Variants in CCDC85C observed in about 807,000 individuals in gnomAD.
CCDC85C encodes the protein coiled-coil domain containing 85C.
In CCDC85C, 18 loss-of-function variants were observed where a neutral mutation model predicts 38.3. The ratio of observed to expected loss-of-function variants is 0.47; its 90% confidence interval spans 0.33 to 0.70. CCDC85C has a LOEUF of 0.70. Among genes scored for constraint, CCDC85C ranks in the 30% least tolerant of loss-of-function variants. The probability of loss-of-function intolerance (pLI) is 0.03; values close to 1 mark genes in which losing one functional copy is unlikely to be tolerated. For missense variants in CCDC85C, 566 were observed against 621.2 expected (o/e 0.91, Z 0.94); for synonymous variants, 264 against 293.8 (o/e 0.90, Z 1.04).
chr14:99,602,282 G>T (rs1272842842), intron 1 of CCDC85C, among the ~76,000 whole-genome samples: 8 of 152,236 alleles, frequency 5.3e-5, no homozygotes, highest in Non-Finnish European at 1.0e-4. Context: ...CCAAGCTGGG[G>T]CCACCCTCTG....
At chr14:99,521,566 C>T (rs1013664765) in intron 3 of CCDC85C, among the ~76,000 whole-genome samples, 1 of 152,186 alleles carries the variant, frequency 6.6e-6, no homozygotes, top group Admixed American at 6.5e-5. Flanking sequence ...CTCCTGGAGG[C>T]GTGAAGTCCC....
intron 1 of CCDC85C, among the ~76,000 whole-genome samples, chr14:99,581,190 AC>A: frequency 6.6e-6 from 1 of 152,238 alleles, no homozygotes; most frequent in South Asian, 2.1e-4. Context: ...GCCCAGTGCC[AC>A]CCTACCCTGG....
At chr14:99,584,625 A>G (rs1437518457) in intron 1 of CCDC85C, among the ~76,000 whole-genome samples, 1 of 152,194 alleles carries the variant, frequency 6.6e-6, no homozygotes, top group East Asian at 1.9e-4. Context: ...GGAAGGCAGA[A>G]CTCAGGCAGG....
chr14:99,557,298 G>T (rs1898031042), intron 1 of CCDC85C, among the ~76,000 whole-genome samples: 1 of 152,186 alleles, frequency 6.6e-6, no homozygotes, highest in South Asian at 2.1e-4. Flanking sequence ...AGGGCACGTG[G>T]TCTCAGAGAT....
intron 2 of CCDC85C, among the ~76,000 whole-genome samples, chr14:99,527,018 G>C (rs937941739): frequency 6.6e-6 from 1 of 152,156 alleles, no homozygotes; most frequent in African/African-American, 2.4e-5. Context: ...AGAGAAAGCA[G>C]GGAGGATGCA....
intron 1 of CCDC85C, among the ~76,000 whole-genome samples, chr14:99,552,893 C>G (rs1250713254): frequency 6.6e-6 from 1 of 152,214 alleles, no homozygotes; most frequent in Non-Finnish European, 1.5e-5. Context: ...CGTGACATCA[C>G]TGGGTGACCC....
rs928288504 is a variant in CCDC85C at position 99,503,587 on chromosome 14, A to G, written c.*11659T>C. 4 of 1,550,902 alleles carry G rather than the reference A, an allele frequency of 2.6e-6. No homozygotes were observed. The highest frequency in any genetic ancestry group is 2.7e-5 in the African/African-American group (2 of 73,462). ...ATCATACTCAGGATCCCAGTTAACA[A>G]TTGTGTATTTTCTTTTGTAACAGGT... On this transcript the variant is annotated 3_prime_UTR_variant, in exon 6 of 6. Coordinates refer to ENST00000380243, the MANE Select transcript of CCDC85C (RefSeq NM_001144995.2).
At chr14:99,566,428 C>A (rs975613257) in intron 1 of CCDC85C, among the ~76,000 whole-genome samples, 1 of 152,206 alleles carries the variant, frequency 6.6e-6, no homozygotes, top group African/African-American at 2.4e-5. Context: ...CCAGGGCTGA[C>A]TGGCTCACAG....
intron 1 of CCDC85C, among the ~76,000 whole-genome samples, chr14:99,586,299 G>C (rs1424423769): frequency 6.6e-6 from 1 of 152,236 alleles, no homozygotes. Context: ...TGGGGACGTG[G>C]CCATCAGCAG....
chr14:99,592,371 A>G (rs971419728), intron 1 of CCDC85C, among the ~76,000 whole-genome samples: 7 of 152,216 alleles, frequency 4.6e-5, no homozygotes, highest in African/African-American at 1.2e-4. Flanking sequence ...GGTGAATAGC[A>G]TAGTCACCAG....
chr14:99,589,273 G>A (rs559206916), intron 1 of CCDC85C, among the ~76,000 whole-genome samples: 9 of 152,170 alleles, frequency 5.9e-5, no homozygotes, highest in Admixed American at 2.6e-4. Flanking sequence ...GCCCAGATCC[G>A]CCAGACAACA....
intron 5 of CCDC85C, among the ~76,000 whole-genome samples, chr14:99,515,733 A>G (rs7151184): frequency 0.94 from 143,689 of 152,070 alleles, 68,451 homozygotes; most frequent in East Asian, 1. Context: ...AGCTGGGTCG[A>G]GCACGGAGCT....
chr14:99,500,639 G>A lies in CCDC85C; in HGVS notation c.*14607C>T, dbSNP rs192024806. ...GTTAAAAGTCTGAGTGGGAGAGAAAGGAAGGAAAGGCAGTTGCTAAAATAT... is the reference window on the plus strand; with the variant it reads ...GTTAAAAGTCTGAGTGGGAGAGAAAAGAAGGAAAGGCAGTTGCTAAAATAT... On this transcript the variant is annotated 3_prime_UTR_variant, in exon 6 of 6. Transcript: ENST00000380243. 120 of 680,374 alleles carry A rather than the reference G, an allele frequency of 1.8e-4. No individual in the cohort carries two copies. Among genetic ancestry groups the A allele is most frequent in the Admixed American group, 4.0e-4 (16 of 40,054 alleles). The allele number at this position is 680,374 out of a possible 1,614,324, so 42.1% of individuals were successfully genotyped here. A position where few individuals can be genotyped will look rare whatever the true frequency, so the allele number is the denominator to read the frequency against.
chr14:99,521,572 G>A (rs1395161496), intron 3 of CCDC85C, among the ~76,000 whole-genome samples: 1 of 152,192 alleles, frequency 6.6e-6, no homozygotes, highest in African/African-American at 2.4e-5. Context: ...GAGGCGTGAA[G>A]TCCCACAAGG....
At chr14:99,529,306 G>A (rs1254807617) in intron 2 of CCDC85C, among the ~76,000 whole-genome samples, 1 of 152,162 alleles carries the variant, frequency 6.6e-6, no homozygotes, top group East Asian at 1.9e-4. Flanking sequence ...CCCATTACTT[G>A]TTCCAGTGAG....
rs2055245364 is a variant in CCDC85C at position 99,604,050 on chromosome 14, G to C, written c.-91C>G. On this transcript the variant is annotated 5_prime_UTR_variant, in exon 1 of 6. Coordinates refer to ENST00000380243, the MANE Select transcript of CCDC85C (RefSeq NM_001144995.2). The stretch of plus-strand genomic sequence containing the variant: ...CCGCTGGGCCGGTCCGCGCGCGGGC[G>C]GGGGGCGGCCGGGGGCGCGTGCGGC... 17 of 978,998 alleles carry C rather than the reference G, an allele frequency of 1.7e-5. No individual in the cohort carries two copies. Among genetic ancestry groups the C allele is most frequent in the African/African-American group, 1.8e-5 (1 of 56,410 alleles). The allele number at this position is 978,998 out of a possible 1,614,324, so 60.6% of individuals were successfully genotyped here. A position where few individuals can be genotyped will look rare whatever the true frequency, so the allele number is the denominator to read the frequency against.
In CCDC85C at chr14:99,603,723, G is replaced by C; in HGVS notation, c.237C>G (p.Asp79Glu). Residue 79 changes from aspartate (D) to glutamate (E), a missense_variant, in exon 1 of 6, where the codon GAC (aspartate) becomes GAG (glutamate). Around this residue, in one of 3 missense-constraint regions of CCDC85C, gnomAD observed 269 missense variants for 308.2 expected, o/e 0.87. Coordinates refer to ENST00000380243, the MANE Select transcript of CCDC85C (RefSeq NM_001144995.2). This position sits in a 1 kb window ranked among gnomAD's most constrained non-coding sequence, Gnocchi z 7.5. ...AGAGCTCGCGCAGCTCCTGGTTGTCGTCCTGCAGCCGCTGGTTCACGTCCT... is the reference window on the plus strand; with the variant it reads ...AGAGCTCGCGCAGCTCCTGGTTGTCCTCCTGCAGCCGCTGGTTCACGTCCT... Reference protein sequence around the residue: ...GLKDVNQRLQDDNQELRELCC... With the variant: ...GLKDVNQRLQEDNQELRELCC... The C allele has an allele frequency of 6.6e-7, 1 of 1,518,858 alleles. No homozygotes were observed. The allele number at this position is 1,518,858 out of a possible 1,614,324, so 94.1% of individuals were successfully genotyped here.
rs1236374819 is a variant in CCDC85C, at chr14:99,576,401, G to A, written c.793+26766C>T. 6.6e-6 allele frequency: 1 copy of A among 152,474 alleles called. No homozygotes were observed. Among genetic ancestry groups the A allele is most frequent in the Non-Finnish European group, 1.5e-5 (1 of 68,260 alleles). 9.4% of individuals were successfully genotyped at this position (152,474 alleles called of 1,614,324 possible). On this transcript the variant is annotated intron_variant, in intron 1 of 5. Transcript: ENST00000380243. The surrounding 1 kb of genome is among the most constrained non-coding windows in gnomAD (Gnocchi z 4.8). ...ACCAAGCTGGCCCAGGAGAAGGACT[G>A]AGTCCCTGTGAGCAGCAGCTCCCGG...
intron 2 of CCDC85C, among the ~76,000 whole-genome samples, chr14:99,524,213 C>T (rs552987906): frequency 1.7e-4 from 26 of 152,208 alleles, no homozygotes; most frequent in African/African-American, 4.1e-4. Flanking sequence ...TGAATGCGTG[C>T]GTGCACATAC....
Sources: allele counts gnomAD v4.1 joint callset (sites outside exome capture counted in the v4.1 genomes callset), GRCh38; gene constraint gnomAD v4.1.1; regional missense constraint gnomAD v4.1.1; non-coding constraint Gnocchi (gnomAD v3.1); transcripts MANE v1.5; gene names NCBI Gene and HGNC (gene_info 2026-07-23, HGNC 2026-07-21).